The following ASIC2 variants were observed in gnomAD, a reference collection of about 807,000 sequenced individuals.
The protein encoded by ASIC2 is acid-sensing ion channel 2.
In ASIC2, 25 loss-of-function variants were observed where a neutral mutation model predicts 57.3. The observed-to-expected ratio is 0.44, with a 90% confidence interval of 0.32 to 0.61. The LOEUF (loss-of-function observed/expected upper bound fraction) is 0.61. Ranked by LOEUF, ASIC2 falls within the 20% of genes least tolerant of loss-of-function variation. The pLI is 0.06. For missense variants in ASIC2, 641 were observed against 738.1 expected (o/e 0.87, Z 1.52); for synonymous variants, 319 against 307.5 (o/e 1.04, Z -0.39).
chr17:33,021,177 CT>C, intron 7 of ASIC2, 41 bp downstream of exon 7: 1 of 1,017,024 alleles, frequency 9.8e-7, no homozygotes, highest in Non-Finnish European at 1.5e-6. Flanking sequence ...CCCTCCCACC[CT>C]CTATGAGATG....
chr17:33,872,723 G>A (rs369165), intron 1 of ASIC2, among the ~76,000 whole-genome samples: 41,153 of 151,976 alleles, frequency 0.27, 5,747 homozygotes, highest in Middle Eastern at 0.36. Flanking sequence ...TCAGTTTGTC[G>A]CTAGCTACAT....
intron 1 of ASIC2, among the ~76,000 whole-genome samples, chr17:34,068,002 A>C (rs2142065503): frequency 6.6e-6 from 1 of 152,310 alleles, no homozygotes; most frequent in African/African-American, 2.4e-5. Flanking sequence ...TCTATTATTT[A>C]ATTTCTTTAA....
chr17:33,571,135 A>G (rs999182129), intron 1 of ASIC2, among the ~76,000 whole-genome samples: 4 of 152,102 alleles, frequency 2.6e-5, no homozygotes, highest in Admixed American at 2.0e-4. Context: ...GATTAGTCCC[A>G]AGTTCTCCAC....
chr17:33,254,331 T>C (rs987026171), intron 1 of ASIC2, among the ~76,000 whole-genome samples: 5 of 152,230 alleles, frequency 3.3e-5, no homozygotes, highest in Non-Finnish European at 7.3e-5. Context: ...ACCAATGTGA[T>C]CATCTTAAAA....
chr17:33,552,895 G>A (rs1915794408), intron 1 of ASIC2, among the ~76,000 whole-genome samples: 2 of 152,192 alleles, frequency 1.3e-5, no homozygotes, highest in Admixed American at 1.3e-4. Flanking sequence ...AAGTGCTGCT[G>A]GGCTCTCTTG....
intron 1 of ASIC2, among the ~76,000 whole-genome samples, chr17:34,100,599 A>T (rs936813204): frequency 1.3e-5 from 2 of 151,882 alleles, no homozygotes; most frequent in Non-Finnish European, 2.9e-5. Context: ...ACCTCAATGC[A>T]GAAGGGAACA....
At chr17:33,269,732 C>CTCCT (rs1212698401) in intron 1 of ASIC2, among the ~76,000 whole-genome samples, 3 of 21,030 alleles carry the variant, frequency 1.4e-4, no homozygotes, top group Non-Finnish European at 2.7e-4. Context: ...TCCTCCCTCC[C>CTCCT]TCCTTCCTTC....
chr17:33,952,325 A>C (rs2141986067), intron 1 of ASIC2, among the ~76,000 whole-genome samples: 1 of 152,326 alleles, frequency 6.6e-6, no homozygotes, highest in Admixed American at 6.5e-5. Context: ...TAATGGAGTG[A>C]GGATATGATG....
intron 1 of ASIC2, among the ~76,000 whole-genome samples, chr17:33,469,393 CCCTGCAGGTT>C (rs1912968105): frequency 6.6e-6 from 1 of 152,154 alleles, no homozygotes; most frequent in South Asian, 2.1e-4. Flanking sequence ...GGGCCTAAGG[CCCTGCAGGTT>C]CCACAGCACA....
At chr17:33,904,227 G>T (rs568164714) in intron 1 of ASIC2, among the ~76,000 whole-genome samples, 1 of 147,410 alleles carries the variant, frequency 6.8e-6, no homozygotes, top group African/African-American at 2.5e-5. Context: ...GGAGAGCCTT[G>T]CTACTCAAGT....
intron 1 of ASIC2, among the ~76,000 whole-genome samples, chr17:33,824,841 C>A (rs920518831): frequency 6.6e-6 from 1 of 152,176 alleles, no homozygotes; most frequent in African/African-American, 2.4e-5. Context: ...GTCTCCCCAG[C>A]CATGTGGAGC....
At chr17:33,087,979 G>A (rs774625589) in intron 3 of ASIC2, among the ~76,000 whole-genome samples, 1 of 152,080 alleles carries the variant, frequency 6.6e-6, no homozygotes. Flanking sequence ...CATCCATTAC[G>A]TGCATGTATC....
At chr17:34,091,010 T>C (rs1910311378) in intron 1 of ASIC2, among the ~76,000 whole-genome samples, 1 of 152,216 alleles carries the variant, frequency 6.6e-6, no homozygotes, top group Non-Finnish European at 1.5e-5. Context: ...GCCTACCTGG[T>C]ACCTTCCAAC....
At chr17:33,240,994 A>G (rs767280707) in intron 1 of ASIC2, among the ~76,000 whole-genome samples, 1 of 152,126 alleles carries the variant, frequency 6.6e-6, no homozygotes, top group East Asian at 1.9e-4. Context: ...TGGCATGTAC[A>G]TTATCTCACT....
intron 1 of ASIC2, among the ~76,000 whole-genome samples, chr17:33,799,959 T>A (rs1289773356): frequency 6.6e-6 from 1 of 152,182 alleles, no homozygotes; most frequent in African/African-American, 2.4e-5. Context: ...ATAAACAGTT[T>A]CTGTTCTAAA....
At position 33,293,083 on chromosome 17, in the gene ASIC2, C is replaced by T. The variant is rs1389422572; in HGVS notation, c.-968G>A. On this transcript the variant is annotated 5_prime_UTR_variant, in exon 1 of 10. Coordinates refer to ENST00000225823, the MANE Select transcript of ASIC2 (RefSeq NM_183377.2). ...GCTGGGGACTGCGGGGACCCGCCAA[C>T]ACCTCCCGGGGGTGACCCGGACTCG... 5 of 972,932 alleles carry T rather than the reference C, an allele frequency of 5.1e-6. No individual in the cohort carries two copies. The African/African-American group carries it at 8.8e-5, about 17-fold the overall frequency. 60.3% of individuals were successfully genotyped at this position (972,932 alleles called of 1,614,324 possible).
At chr17:33,723,203 A>G (rs1338907980) in intron 1 of ASIC2, among the ~76,000 whole-genome samples, 1 of 152,234 alleles carries the variant, frequency 6.6e-6, no homozygotes, top group African/African-American at 2.4e-5. Flanking sequence ...ACAGCAATAG[A>G]AAAGAACAAA....
chr17:33,239,213 C>T (rs1273520466), intron 1 of ASIC2, among the ~76,000 whole-genome samples: 1 of 152,122 alleles, frequency 6.6e-6, no homozygotes, highest in Non-Finnish European at 1.5e-5. Context: ...ATTGCTTGAA[C>T]CCGGGAGGCG....
intron 1 of ASIC2, among the ~76,000 whole-genome samples, chr17:33,982,909 T>G (rs908728595): frequency 2.6e-5 from 4 of 152,242 alleles, no homozygotes; most frequent in African/African-American, 9.6e-5. Context: ...ATTATGTGTA[T>G]ACATATACAA....
Sources: gnomAD v4.1 joint callset for allele counts (sites outside exome capture counted in the v4.1 genomes callset) on GRCh38, gnomAD v4.1.1 for gene constraint, MANE v1.5 for transcripts, NCBI Gene and HGNC (gene_info 2026-07-23, HGNC 2026-07-21) for gene names.